Variants in PARP11 observed in about 807,000 individuals in gnomAD.
PARP11 encodes poly(ADP-ribose) polymerase family member 11.
A neutral mutation model predicts 42.9 loss-of-function variants in PARP11; 31 were observed. The ratio of observed to expected loss-of-function variants is 0.72; its 90% confidence interval spans 0.54 to 0.98. PARP11 has a LOEUF of 0.98. PARP11 is among the 50% of genes least tolerant of loss of function. PARP11 has a pLI of 0.00. For synonymous variants in PARP11, 137 were observed against 127.3 expected, an observed-to-expected ratio of 1.08 and a Z score of -0.51; for missense variants, 365 against 413.1, an observed-to-expected ratio of 0.88 and a Z score of 1.01.
rs1164105357 is a variant in PARP11, at chr12:3,854,037, T to C, written c.18+19175A>G. ...GAACAATCTGCTCCTAAATGACTAC[T>C]AGGTAAATAACTAAATGAAGGTAGA... is the stretch of plus-strand genomic sequence containing the variant. On this transcript the variant is annotated intron_variant, in intron 1 of 7. Transcript: ENST00000228820. Among the ~76,000 whole-genome samples, 2 of 152,138 alleles carry C rather than the reference T, an allele frequency of 1.3e-5. 1 individual carries two copies.
At chr12:3,846,356 G>T (rs1340417374) in intron 1 of PARP11, among the ~76,000 whole-genome samples, 1 of 151,574 alleles carries the variant, frequency 6.6e-6, no homozygotes, top group African/African-American at 2.4e-5. Context: ...GAAATACAAA[G>T]AATTATTAGA....
chr12:3,842,046 G>C, intron 1 of PARP11: 1 of 1,610,954 alleles, frequency 6.2e-7, no homozygotes, highest in Non-Finnish European at 8.5e-7. Context: ...CTGTAGCAGA[G>C]GGAAAGGCTC....
intron 1 of PARP11, among the ~76,000 whole-genome samples, chr12:3,860,243 G>T (rs1034836112): frequency 6.6e-6 from 1 of 152,196 alleles, no homozygotes; most frequent in African/African-American, 2.4e-5. Flanking sequence ...TAGATGGGAA[G>T]AAATGAAGGA....
chr12:3,822,409 T>A (rs1348153421), intron 4 of PARP11, among the ~76,000 whole-genome samples: 1 of 148,576 alleles, frequency 6.7e-6, no homozygotes, highest in Non-Finnish European at 1.5e-5. Context: ...CCATCCTGGC[T>A]AACACGGTGA....
intron 1 of PARP11, chr12:3,841,791 T>A: frequency 6.2e-7 from 1 of 1,611,496 alleles, no homozygotes; most frequent in Non-Finnish European, 8.5e-7. Context: ...TCATAGAAAA[T>A]CCAGTAATGA....
intron 6 of PARP11, among the ~76,000 whole-genome samples, chr12:3,818,775 G>C (rs761595065): frequency 6.6e-6 from 1 of 152,078 alleles, no homozygotes; most frequent in Non-Finnish European, 1.5e-5. Flanking sequence ...GTATGTAATC[G>C]TACAGATGGC....
intron 1 of PARP11, among the ~76,000 whole-genome samples, chr12:3,853,140 A>C (rs978779551): frequency 1.3e-5 from 2 of 152,246 alleles, no homozygotes; most frequent in African/African-American, 2.4e-5. Flanking sequence ...GGAAGCACTA[A>C]ACATGGAAAG....
intron 1 of PARP11, among the ~76,000 whole-genome samples, chr12:3,860,850 T>A (rs1948282445): frequency 6.6e-6 from 1 of 152,050 alleles, no homozygotes; most frequent in South Asian, 2.1e-4. Flanking sequence ...CCAATTAATT[T>A]TTCAATTTTT....
intron 1 of PARP11, among the ~76,000 whole-genome samples, chr12:3,853,090 T>C (rs1948125282): frequency 6.6e-6 from 1 of 152,088 alleles, no homozygotes; most frequent in Non-Finnish European, 1.5e-5. Flanking sequence ...TGCTGAGAGA[T>C]TTTTGTCATC....
chr12:3,818,942 A>C (rs1407798969), intron 6 of PARP11, among the ~76,000 whole-genome samples: 2 of 151,914 alleles, frequency 1.3e-5, no homozygotes, highest in Non-Finnish European at 2.9e-5. Context: ...TCTTTTCTTA[A>C]TGTACATACG....
At chr12:3,837,560 A>C (rs1947793506) in intron 1 of PARP11, among the ~76,000 whole-genome samples, 1 of 152,216 alleles carries the variant, frequency 6.6e-6, no homozygotes, top group South Asian at 2.1e-4. Context: ...ACAACCAGAA[A>C]ATAAGCAACA....
At chr12:3,855,615 G>A (rs973902608) in intron 1 of PARP11, among the ~76,000 whole-genome samples, 1 of 152,174 alleles carries the variant, frequency 6.6e-6, no homozygotes, top group Non-Finnish European at 1.5e-5. Context: ...ACTGCTCAAC[G>A]AAATAAAAGA....
At chr12:3,852,269 C>G (rs940815187) in intron 1 of PARP11, among the ~76,000 whole-genome samples, 3 of 152,196 alleles carry the variant, frequency 2.0e-5, no homozygotes, top group Non-Finnish European at 4.4e-5. Flanking sequence ...CGGAACAAAG[C>G]TGGATGGAGA....
rs1463937448 is a variant in PARP11, at chr12:3,810,887, ACT to A, written c.*1234_*1235del. On this transcript the variant is annotated 3_prime_UTR_variant, in exon 8 of 8. Transcript: ENST00000228820. Reference sequence around the variant, plus strand: ...AAAAGGAAGAAAATCAATGTGAGAGACTCTTCACCATCACATGGGCAATTCCC... The same window carrying A: ...AAAAGGAAGAAAATCAATGTGAGAGACTTCACCATCACATGGGCAATTCCC... 2 of 151,210 alleles carry A rather than the reference ACT, an allele frequency of 1.3e-5. No homozygotes were observed. The highest frequency in any genetic ancestry group is 4.9e-5 in the African/African-American group (2 of 41,076). The allele number at this position is 151,210 out of a possible 1,614,324, so 9.4% of individuals were successfully genotyped here.
Position 3,841,006 on chromosome 12 carries a change from C to T in PARP11, c.19-10988G>A, listed in dbSNP as rs1376416958. 4.8e-5 allele frequency: 77 copies of T among 1,597,440 alleles called. No homozygotes were observed. In the Admixed American group the frequency reaches 1.2e-3, roughly 26 times the overall value. On this transcript the variant is annotated intron_variant, in intron 1 of 7. Transcript: ENST00000228820. ...TTTTGGACCAACAGGTGTCCCTGCT[C>T]CAATTCCTGGTCGGTCAGTGACACA...
chr12:3,822,654 C>T lies in PARP11; in HGVS notation c.345-497G>A, dbSNP rs572594944. Among the ~76,000 whole-genome samples, 112 of 150,350 alleles carry T rather than the reference C, an allele frequency of 7.4e-4. 1 individual carries two copies. The highest frequency in any genetic ancestry group is 7.8e-4 in the East Asian group (4 of 5,118). ...CTATGTGTGCTACTTTTTAGGTGTT[C>T]AATAGTGAACTTTTGATGGAAAATA... On this transcript the variant is annotated intron_variant, in intron 4 of 7. Transcript: ENST00000228820.
At chr12:3,871,764 G>A (rs539535493) in intron 1 of PARP11, 1 of 152,294 alleles carries the variant, frequency 6.6e-6, no homozygotes, top group African/African-American at 2.4e-5. Flanking sequence ...CTCTCTGAGG[G>A]TTGTGTTGGG....
intron 6 of PARP11, 62 bp downstream of exon 6, chr12:3,821,811 T>G (rs775191591): frequency 2.7e-6 from 4 of 1,507,244 alleles, no homozygotes; most frequent in Non-Finnish European, 3.6e-6. Context: ...AATTCAATAT[T>G]TATGTTTTAA....
chr12:3,823,840 T>C (rs1481455381), intron 4 of PARP11, among the ~76,000 whole-genome samples: 2 of 148,532 alleles, frequency 1.3e-5, no homozygotes, highest in Non-Finnish European at 3.0e-5. Flanking sequence ...CACTTGAACC[T>C]GGGAGGCGGA....
Sources: allele counts gnomAD v4.1 joint callset (sites outside exome capture counted in the v4.1 genomes callset), GRCh38; gene constraint gnomAD v4.1.1; transcripts MANE v1.5; gene names NCBI Gene and HGNC (gene_info 2026-07-23, HGNC 2026-07-21).